FAM120AOS: variants seen among roughly 807,000 people sequenced by gnomAD.
FAM120AOS encodes family with sequence similarity 120 member A opposite strand.
In FAM120AOS, 15 loss-of-function variants were observed where a neutral mutation model predicts 20.2. The ratio of observed to expected loss-of-function variants is 0.74; its 90% CI spans 0.50 to 1.15. The LOEUF (loss-of-function observed/expected upper bound fraction) is 1.15, where lower values mean the gene tolerates loss of function less well. FAM120AOS is among the 50% of genes most tolerant of loss of function. The probability of loss-of-function intolerance (pLI) is 0.00; values close to 1 mark genes in which losing one functional copy is unlikely to be tolerated. For missense variants in FAM120AOS, 327 were observed against 351.9 expected (o/e 0.93, Z 0.57); for synonymous variants, 154 against 154.0 (o/e 1.00, Z 0.00).
In FAM120AOS at chr9:93,452,146, C is replaced by T; in HGVS notation, c.563+1G>A. The T allele has an allele frequency of 6.2e-7, 1 of 1,611,822 alleles. No homozygotes were observed. The highest frequency in any genetic ancestry group is 8.5e-7 in the Non-Finnish European group (1 of 1,179,778). ...GCCAGTGGAACCACATGCTTGGCTA[C>T]CTGGCGGCGCTGGCCAAGGCCTGCT... On this transcript the variant is annotated splice_donor_variant, in intron 1 of 2. Coordinates refer to ENST00000375412, the MANE Select transcript of FAM120AOS (RefSeq NM_198841.4). LOFTEE classifies it high-confidence loss of function. The surrounding 1 kb of genome is among the most constrained non-coding windows in gnomAD (Gnocchi z 7.0).
At chr9:93,451,951 G>A in intron 1 of FAM120AOS, 196 bp downstream of exon 1, 2 of 1,532,366 alleles carry the variant, frequency 1.3e-6, no homozygotes, top group Non-Finnish European at 1.8e-6. Flanking sequence ...ACATCGAGAA[G>A]CACTGCCCGA....
At position 93,443,369 on chromosome 9, in the gene FAM120AOS, C is replaced by T. The variant is rs1206056476; in HGVS notation, c.*4242G>A. 6.6e-6 allele frequency among the ~76,000 whole-genome samples: 1 copy of T among 152,100 alleles called. No homozygotes were observed. Among genetic ancestry groups the T allele is most frequent in the Non-Finnish European group, 1.5e-5 (1 of 68,028 alleles). Reference sequence around the variant, plus strand: ...TACTTTATTGTTTCCTTATACATTTCTAACAGTACAAGATTATCAATGTTT... The same window carrying T: ...TACTTTATTGTTTCCTTATACATTTTTAACAGTACAAGATTATCAATGTTT... On this transcript the variant is annotated 3_prime_UTR_variant, in exon 3 of 3. Transcript: ENST00000375412.
In FAM120AOS at chr9:93,453,563, G is replaced by C; in HGVS notation, c.-854C>G. Reference sequence around the variant, plus strand: ...CGGTTGCCCCCACTGCCCGCGAGGAGATGGTGGTAGTTAAGCCTAAAATGA... The same window carrying C: ...CGGTTGCCCCCACTGCCCGCGAGGACATGGTGGTAGTTAAGCCTAAAATGA... On this transcript the variant is annotated 5_prime_UTR_variant, in exon 1 of 3. In the 5' UTR this introduces an upstream ATG that the reference lacks. Coordinates refer to ENST00000375412, the MANE Select transcript of FAM120AOS (RefSeq NM_198841.4). 4.1e-6 allele frequency: 4 copies of C among 985,416 alleles called. No homozygotes were observed. Among genetic ancestry groups the C allele is most frequent in the Non-Finnish European group, 4.8e-6 (4 of 829,930 alleles). 61.0% of individuals were successfully genotyped at this position (985,416 alleles called of 1,614,324 possible). A position where few individuals can be genotyped will look rare whatever the true frequency, so the allele number is the denominator to read the frequency against.
At chr9:93,451,355 GA>G (rs1405065618) in intron 1 of FAM120AOS, 6 of 1,425,210 alleles carry the variant, frequency 4.2e-6, no homozygotes, top group Non-Finnish European at 5.5e-6. Context: ...CCCTTCGCCC[GA>G]GAACCACCGG....
rs1196870096 is a variant in FAM120AOS at position 93,452,413 on chromosome 9, C to T, written c.297G>A (p.Arg99=). ...AGGTGAGGCCGGGGATCCGGGCGGG[C>T]CGGGGACCGGGGCCGCGCCGCACCC... ...GIGVRRGPGP[R]PARIPGLTLT... is the part of the protein sequence containing the mutation. Residue 99 remains arginine (R), a synonymous_variant, in exon 1 of 3, where the codon CGG becomes CGA. Coordinates refer to ENST00000375412, the MANE Select transcript of FAM120AOS (RefSeq NM_198841.4). The surrounding 1 kb of genome is among the most constrained non-coding windows in gnomAD (Gnocchi z 7.0). 5 of 1,583,614 alleles carry T rather than the reference C, an allele frequency of 3.2e-6. No individual in the cohort carries two copies. Among genetic ancestry groups the T allele is most frequent in the Non-Finnish European group, 4.3e-6 (5 of 1,166,256 alleles).
Position 93,451,904 on chromosome 9 carries a change from C to CCCG in FAM120AOS, c.563+240_563+242dup, listed in dbSNP as rs1184193662. 8 of 1,273,586 alleles carry CCCG rather than the reference C, an allele frequency of 6.3e-6. No individual in the cohort carries two copies. In the Admixed American group the frequency reaches 2.1e-4, roughly 34 times the overall value. 78.9% of individuals were successfully genotyped at this position (1,273,586 alleles called of 1,614,324 possible). A position where few individuals can be genotyped will look rare whatever the true frequency, so the allele number is the denominator to read the frequency against. ...CCCCGCCCGCACCCGCGCCCGCGCCCCCGCCGCCGCCATGGGCGTGCAGGG... is the reference window on the plus strand; with the variant it reads ...CCCCGCCCGCACCCGCGCCCGCGCCCCCGCCGCCGCCGCCATGGGCGTGCAGGG... On this transcript the variant is annotated intron_variant, in intron 1 of 2. Transcript: ENST00000375412.
At position 93,452,451 on chromosome 9, in the gene FAM120AOS, C is replaced by T. The variant is rs1359832429; in HGVS notation, c.259G>A (p.Gly87Arg). ...CCGCGCCGCACCCCTATCCCCCTTC[C>T]CAGGGCGCAGAATGTCGCCCGGCCG... ...RHGRATFCAL[G>R]RGIGVRRGPG... The change falls in exon 1 of 3, where the codon GGA becomes AGA. Residue 87 changes from glycine (G) to arginine (R), a missense_variant. Coordinates refer to ENST00000375412, the MANE Select transcript of FAM120AOS (RefSeq NM_198841.4). The surrounding 1 kb of genome is among the most constrained non-coding windows in gnomAD (Gnocchi z 7.0). The T allele has an allele frequency of 6.4e-7, 1 of 1,555,522 alleles. No individual in the cohort carries two copies. The highest frequency in any genetic ancestry group is 1.2e-5 in the South Asian group (1 of 86,208).
At chr9:93,451,882 C>T in intron 1 of FAM120AOS, 2 of 1,212,202 alleles carry the variant, frequency 1.6e-6, no homozygotes, top group Non-Finnish European at 2.0e-6. Context: ...CGCCGCCCCC[C>T]GCCCGCACCC....
In FAM120AOS at chr9:93,450,511, C is replaced by A; in HGVS notation, c.652G>T (p.Ala218Ser). Reference protein sequence around the residue: ...STWSLHAHGLAKEAPILPVKK... With the variant: ...STWSLHAHGLSKEAPILPVKK... ...ACCGGGAGTATGGGGGCTTCTTTGG[C>A]CAAACCGTGCGCGTGCAGGCTCCAT... Residue 218 changes from alanine (A) to serine (S), a missense_variant, in exon 2 of 3, where the codon GCC becomes TCC. Physicochemically the swap from Ala to Ser is moderately conservative, Grantham distance 99. Coordinates refer to ENST00000375412, the MANE Select transcript of FAM120AOS (RefSeq NM_198841.4). The A allele has an allele frequency of 1.3e-6, 2 of 1,594,236 alleles. No individual in the cohort carries two copies. Among genetic ancestry groups the A allele is most frequent in the Non-Finnish European group, 1.7e-6 (2 of 1,172,200 alleles).
In FAM120AOS at chr9:93,453,383, C is replaced by A. The variant is rs1857379576; in HGVS notation, c.-674G>T. 1 of 985,370 alleles carries A rather than the reference C, an allele frequency of 1.0e-6. No individual in the cohort carries two copies. Among genetic ancestry groups the A allele is most frequent in the East Asian group, 1.1e-4 (1 of 8,822 alleles). The allele number at this position is 985,370 out of a possible 1,614,324, so 61.0% of individuals were successfully genotyped here. On this transcript the variant is annotated 5_prime_UTR_variant, in exon 1 of 3. The change creates a premature stop within an existing upstream ORF in the 5' untranslated region. Coordinates refer to ENST00000375412, the MANE Select transcript of FAM120AOS (RefSeq NM_198841.4). ...TAAGCACATCCATGATCCTGGACTTCACGTTCTGATTGCTTGCTTTTTTCA... is the reference window on the plus strand; with the variant it reads ...TAAGCACATCCATGATCCTGGACTTAACGTTCTGATTGCTTGCTTTTTTCA...
chr9:93,453,502 C>G lies in FAM120AOS; in HGVS notation c.-793G>C, dbSNP rs1325628951. Reference sequence around the variant, plus strand: ...CTTGTCATTTGACATTTCCTTGAAACTGCTGGAGCTGAAAGTTTGTGAAAT... The same window carrying G: ...CTTGTCATTTGACATTTCCTTGAAAGTGCTGGAGCTGAAAGTTTGTGAAAT... On this transcript the variant is annotated 5_prime_UTR_variant, in exon 1 of 3. Coordinates refer to ENST00000375412, the MANE Select transcript of FAM120AOS (RefSeq NM_198841.4). The G allele has an allele frequency of 2.0e-6, 2 of 985,328 alleles. No individual in the cohort carries two copies. Among genetic ancestry groups the G allele is most frequent in the Non-Finnish European group, 1.2e-6 (1 of 829,948 alleles). 61.0% of individuals were successfully genotyped at this position (985,328 alleles called of 1,614,324 possible).
At chr9:93,451,401 C>G in intron 1 of FAM120AOS, 1 of 1,375,784 alleles carries the variant, frequency 7.3e-7, no homozygotes, top group Non-Finnish European at 9.4e-7. Context: ...CTGCCGGGAA[C>G]AGGGCGCAGG....
Position 93,447,409 on chromosome 9 carries a change from C to T in FAM120AOS, c.*202G>A. On this transcript the variant is annotated 3_prime_UTR_variant, in exon 3 of 3. Transcript: ENST00000375412. ...CTCTGACTTAGGACATATCACTTTC[C>T]TCTCTTGACCTTCACATTCAGATGT... 1.8e-6 allele frequency: 1 copy of T among 559,366 alleles called. No homozygotes were observed. The highest frequency in any genetic ancestry group is 3.2e-6 in the Non-Finnish European group (1 of 311,902). 34.7% of individuals were successfully genotyped at this position (559,366 alleles called of 1,614,324 possible).
intron 1 of FAM120AOS, chr9:93,451,497 G>C (rs1436202378): frequency 1.9e-6 from 2 of 1,030,068 alleles, no homozygotes; most frequent in Non-Finnish European, 1.2e-6. Context: ...GAAGCCTCCC[G>C]GATCCCGTCC....
intron 2 of FAM120AOS, among the ~76,000 whole-genome samples, chr9:93,449,788 A>G (rs2131138988): frequency 6.6e-6 from 1 of 151,402 alleles, no homozygotes; most frequent in South Asian, 2.1e-4. Context: ...GCCCGGCCGC[A>G]CTAATGCATT....
rs1856792467 is a variant in FAM120AOS at position 93,444,734 on chromosome 9, C to A, written c.*2877G>T. Reference sequence around the variant, plus strand: ...GGTTCAAGGGATTCTTCTGCCTCAGCCTCCCTAGTAGCTGGGATTACAGGC... The same window carrying A: ...GGTTCAAGGGATTCTTCTGCCTCAGACTCCCTAGTAGCTGGGATTACAGGC... On this transcript the variant is annotated 3_prime_UTR_variant, in exon 3 of 3. Coordinates refer to ENST00000375412, the MANE Select transcript of FAM120AOS (RefSeq NM_198841.4). Among the ~76,000 whole-genome samples, 1 of 152,066 alleles carries A rather than the reference C, an allele frequency of 6.6e-6. No individual in the cohort carries two copies. The highest frequency in any genetic ancestry group is 1.5e-5 in the Non-Finnish European group (1 of 68,022).
chr9:93,449,485 C>G (rs1368811150), intron 2 of FAM120AOS, among the ~76,000 whole-genome samples: 1 of 143,422 alleles, frequency 7.0e-6, no homozygotes, highest in Non-Finnish European at 1.5e-5. Context: ...CAGATACTGG[C>G]ACTGGCATTT....
intron 1 of FAM120AOS, chr9:93,451,884 C>T (rs1199583933): frequency 1.6e-6 from 2 of 1,223,448 alleles, no homozygotes; most frequent in East Asian, 3.4e-5. Context: ...CCGCCCCCCG[C>T]CCGCACCCGC....
Position 93,453,186 on chromosome 9 carries a change from G to T in FAM120AOS, c.-477C>A. ...GGGCGAACTACGCGGGCGTGAACTC[G>T]CAGGATTTATTTTTCGGGTGCACAG... On this transcript the variant is annotated 5_prime_UTR_variant, in exon 1 of 3. Coordinates refer to ENST00000375412, the MANE Select transcript of FAM120AOS (RefSeq NM_198841.4). 4.0e-6 allele frequency: 4 copies of T among 1,000,296 alleles called. No individual in the cohort carries two copies. Among genetic ancestry groups the T allele is most frequent in the Non-Finnish European group, 4.8e-6 (4 of 840,124 alleles). 62.0% of individuals were successfully genotyped at this position (1,000,296 alleles called of 1,614,324 possible).
Sources: allele counts gnomAD v4.1 joint callset (sites outside exome capture counted in the v4.1 genomes callset), GRCh38; gene constraint gnomAD v4.1.1; non-coding constraint Gnocchi (gnomAD v3.1); transcripts MANE v1.5; gene names NCBI Gene and HGNC (gene_info 2026-07-23, HGNC 2026-07-21).